The following ADAM12 variants were observed in gnomAD, a reference collection of about 807,000 sequenced individuals.
ADAM12 encodes ADAM metallopeptidase domain 12, also known as disintegrin and metalloproteinase domain-containing protein 12.
Under a neutral mutation model 106.4 loss-of-function variants are expected in ADAM12, and 70 were observed. That is an observed-to-expected ratio of 0.66 (90% CI 0.54 to 0.80). ADAM12 has a LOEUF of 0.80. ADAM12 is among the 30% of genes least tolerant of loss of function. The pLI is 0.00. For missense variants in ADAM12, 1,010 were observed against 1,171.9 expected (o/e 0.86, Z 2.02); for synonymous variants, 420 against 433.5 (o/e 0.97, Z 0.39).
intron 3 of ADAM12, among the ~76,000 whole-genome samples, chr10:126,161,155 G>T (rs1676735): frequency 0.55 from 83,878 of 151,620 alleles, 24,108 homozygotes; most frequent in East Asian, 0.75. Flanking sequence ...AGGGCTCCTT[G>T]GTCATCGCTG....
At chr10:126,179,974 T>C (rs1387898933) in intron 3 of ADAM12, among the ~76,000 whole-genome samples, 1 of 152,136 alleles carries the variant, frequency 6.6e-6, no homozygotes, top group Non-Finnish European at 1.5e-5. Flanking sequence ...ATTTTTACAA[T>C]AAACCAATGC....
At chr10:126,368,362 T>G (rs1457030179) in intron 1 of ADAM12, among the ~76,000 whole-genome samples, 3 of 150,984 alleles carry the variant, frequency 2.0e-5, no homozygotes, top group Non-Finnish European at 4.4e-5. Context: ...ATTTGTTTTT[T>G]TTTTTTTTTT....
At position 126,043,654 on chromosome 10, in the gene ADAM12, G is replaced by A. The variant is rs928045294; in HGVS notation, c.1996-506C>T. The stretch of plus-strand genomic sequence containing the variant: ...CACGCCAGGCTGGGGTCCGAGGCAG[G>A]CCCCCCGTTTCCTGAGCAAAGGAAT... On this transcript the variant is annotated intron_variant, in intron 17 of 22. Transcript: ENST00000448723. The surrounding 1 kb of genome is among the most constrained non-coding windows in gnomAD (Gnocchi z 4.1). 3.9e-5 allele frequency among the ~76,000 whole-genome samples: 6 copies of A among 152,154 alleles called. No homozygotes were observed. The highest frequency in any genetic ancestry group is 7.2e-5 in the African/African-American group (3 of 41,444).
intron 1 of ADAM12, among the ~76,000 whole-genome samples, chr10:126,380,604 T>A (rs746267221): frequency 6.6e-6 from 1 of 152,166 alleles, no homozygotes; most frequent in Non-Finnish European, 1.5e-5. Context: ...CTCGACAAAC[T>A]CCTTTTTAAG....
At chr10:126,087,225 T>TTAA (rs2133547286) in intron 11 of ADAM12, among the ~76,000 whole-genome samples, 1 of 152,250 alleles carries the variant, frequency 6.6e-6, no homozygotes, top group Admixed American at 6.5e-5. Flanking sequence ...CAGCTTTTCA[T>TTAA]ATTCTAATGG....
At chr10:126,311,879 G>A (rs928582533) in intron 2 of ADAM12, among the ~76,000 whole-genome samples, 2 of 152,086 alleles carry the variant, frequency 1.3e-5, no homozygotes, top group Non-Finnish European at 2.9e-5. Context: ...AAGTAAATAA[G>A]TGAGTCCCGA....
chr10:126,113,225 C>T (rs922399990), intron 6 of ADAM12, among the ~76,000 whole-genome samples: 4 of 152,124 alleles, frequency 2.6e-5, no homozygotes, highest in East Asian at 1.9e-4. Flanking sequence ...GGCAACAGGC[C>T]GTATGGCTGG....
At chr10:126,366,965 T>A (rs895945798) in intron 1 of ADAM12, among the ~76,000 whole-genome samples, 1 of 152,086 alleles carries the variant, frequency 6.6e-6, no homozygotes, top group Non-Finnish European at 1.5e-5. Flanking sequence ...ATAGATAAAT[T>A]GGCAACTTCA....
chr10:126,239,273 G>C (rs935306113), intron 3 of ADAM12, among the ~76,000 whole-genome samples: 2 of 152,168 alleles, frequency 1.3e-5, no homozygotes, highest in African/African-American at 4.8e-5. Context: ...ATAGGAAAAA[G>C]AACCTCATTG....
At chr10:126,145,083 G>A (rs1956600896) in intron 4 of ADAM12, among the ~76,000 whole-genome samples, 1 of 152,190 alleles carries the variant, frequency 6.6e-6, no homozygotes, top group Non-Finnish European at 1.5e-5. Context: ...TGCATTGTTT[G>A]GCTCCCAAAG....
At chr10:126,370,282 T>C (rs2366705) in intron 1 of ADAM12, among the ~76,000 whole-genome samples, 40,496 of 152,176 alleles carry the variant, frequency 0.27, 5,635 homozygotes, top group Middle Eastern at 0.33. Flanking sequence ...CACTAAGTTG[T>C]GGCAATTTGT....
intron 3 of ADAM12, among the ~76,000 whole-genome samples, chr10:126,245,503 G>A (rs1376263601): frequency 6.6e-6 from 1 of 152,180 alleles, no homozygotes; most frequent in East Asian, 1.9e-4. Flanking sequence ...CTGAAGGACT[G>A]GGCAGTGGGC....
chr10:126,156,950 T>A lies in ADAM12; in HGVS notation c.261-1645A>T, dbSNP rs115488220. On this transcript the variant is annotated intron_variant, in intron 3 of 22. Transcript: ENST00000448723. ...TTTAAATACTGAACTTTGTGGATGG[T>A]GAAGGTGCTGCCTGCCCTTTCCTGT... 7.3e-3 allele frequency among the ~76,000 whole-genome samples: 1,108 copies of A among 152,194 alleles called. 14 individuals are homozygous for A. Among genetic ancestry groups the A allele is most frequent in the African/African-American group, 0.025 (1,025 of 41,494 alleles).
chr10:126,288,858 G>A (rs559930315), intron 2 of ADAM12, among the ~76,000 whole-genome samples: 1 of 151,074 alleles, frequency 6.6e-6, no homozygotes, highest in East Asian at 2.0e-4. Flanking sequence ...GTGGCCCAGG[G>A]GAAAGGATCA....
chr10:126,073,172 T>C (rs1337931761), intron 11 of ADAM12, among the ~76,000 whole-genome samples: 4 of 152,218 alleles, frequency 2.6e-5, no homozygotes, highest in Non-Finnish European at 5.9e-5. Context: ...CACTGCAACC[T>C]CCGCCTCCCG....
At chr10:126,205,332 A>T (rs1590617413) in intron 3 of ADAM12, among the ~76,000 whole-genome samples, 1 of 5,780 alleles carries the variant, frequency 1.7e-4, no homozygotes, top group East Asian at 2.5e-3. Flanking sequence ...AAGTATGTTT[A>T]AAAAAAAAAA....
chr10:126,280,875 ACT>A (rs1590726751), intron 2 of ADAM12, among the ~76,000 whole-genome samples: 1 of 152,196 alleles, frequency 6.6e-6, no homozygotes, highest in East Asian at 1.9e-4. Context: ...ATATTTTGAT[ACT>A]GTCTGGTGTT....
intron 3 of ADAM12, among the ~76,000 whole-genome samples, chr10:126,241,458 T>C (rs1365307134): frequency 1.3e-5 from 2 of 152,182 alleles, no homozygotes; most frequent in African/African-American, 2.4e-5. Flanking sequence ...ATTCAGTAAA[T>C]TGTTTCCTTC....
At chr10:126,294,857 A>G (rs1246562323) in intron 2 of ADAM12, among the ~76,000 whole-genome samples, 1 of 152,016 alleles carries the variant, frequency 6.6e-6, no homozygotes, top group African/African-American at 2.4e-5. Context: ...CTGATGCATT[A>G]TTAACTAGAA....
Sources: allele counts gnomAD v4.1 joint callset (sites outside exome capture counted in the v4.1 genomes callset), GRCh38; gene constraint gnomAD v4.1.1; non-coding constraint Gnocchi (gnomAD v3.1); transcripts MANE v1.5; gene names NCBI Gene and HGNC (gene_info 2026-07-23, HGNC 2026-07-21).